Variants in DLG2 observed in about 807,000 individuals in gnomAD.
The protein encoded by DLG2 is discs large MAGUK scaffold protein 2, also known as disks large homolog 2.
Under a neutral mutation model 132.5 loss-of-function variants are expected in DLG2, and 45 were observed. That is an observed-to-expected ratio of 0.34 (90% CI 0.27 to 0.44). The LOEUF is 0.44. Ranked by LOEUF, DLG2 falls within the 20% of genes least tolerant of loss-of-function variation. The probability of loss-of-function intolerance (pLI) is 1.00; values close to 1 mark genes in which losing one functional copy is unlikely to be tolerated. For missense variants in DLG2, 1,045 were observed against 1,196.9 expected (o/e 0.87, Z 1.87); for synonymous variants, 424 against 419.6 (o/e 1.01, Z -0.13).
intron 19 of DLG2, among the ~76,000 whole-genome samples, chr11:83,587,977 G>A (rs865908170): frequency 6.6e-6 from 1 of 152,204 alleles, no homozygotes; most frequent in Non-Finnish European, 1.5e-5. Context: ...CCCGCACCTG[G>A]CTCAGAGGCT....
intron 7 of DLG2, among the ~76,000 whole-genome samples, chr11:84,373,265 C>CAAAAAAAAAAAAAAAAAAAAAAA (rs59038372): frequency 2.0e-5 from 2 of 98,088 alleles, no homozygotes; most frequent in Admixed American, 1.3e-4. Flanking sequence ...AAAAAAAAAA[C>CAAAAAAAAAAAAAAAAAAAAAAA]AAAACAAAAA....
At chr11:84,380,924 T>C (rs1468848916) in intron 7 of DLG2, among the ~76,000 whole-genome samples, 1 of 151,990 alleles carries the variant, frequency 6.6e-6, no homozygotes, top group Non-Finnish European at 1.5e-5. Context: ...AATATATTAA[T>C]GGACTGTGAT....
chr11:83,472,645 A>C, intron 23 of DLG2, 82 bp downstream of exon 23: 2 of 1,220,346 alleles, frequency 1.6e-6, no homozygotes, highest in Non-Finnish European at 2.4e-6. Flanking sequence ...TATTCTCCTT[A>C]GTCCTTCACT....
chr11:83,740,837 C>G (rs890778948), intron 18 of DLG2, among the ~76,000 whole-genome samples: 1 of 152,126 alleles, frequency 6.6e-6, no homozygotes, highest in Non-Finnish European at 1.5e-5. Context: ...CCCCCAGTGA[C>G]TTGTGTTTTA....
At chr11:83,586,377 T>A (rs2097086757) in intron 19 of DLG2, among the ~76,000 whole-genome samples, 1 of 152,252 alleles carries the variant, frequency 6.6e-6, no homozygotes, top group South Asian at 2.1e-4. Flanking sequence ...GATAAATTCC[T>A]GGTTTTGCCA....
rs531220447 is a variant in DLG2 at position 84,299,588 on chromosome 11, A to G, written c.520-48297T>C. 2.0e-5 allele frequency among the ~76,000 whole-genome samples: 3 copies of G among 152,294 alleles called. No homozygotes were observed. The South Asian group carries it at 6.2e-4, about 32-fold the overall frequency. ...AGGTTTGAGTGCAATGAAGAGCAAG[A>G]AAGAAGAAGAATGATGAAAATAGAC... is the stretch of plus-strand genomic sequence containing the variant. On this transcript the variant is annotated intron_variant, in intron 7 of 27. Transcript: ENST00000376104.
intron 21 of DLG2, among the ~76,000 whole-genome samples, chr11:83,493,930 T>A (rs1051189057): frequency 3.3e-5 from 5 of 152,106 alleles, no homozygotes; most frequent in African/African-American, 1.2e-4. Context: ...TAATATTCAA[T>A]CTAAAGAGAA....
At chr11:84,066,643 C>G (rs2096677753) in intron 10 of DLG2, among the ~76,000 whole-genome samples, 1 of 152,074 alleles carries the variant, frequency 6.6e-6, no homozygotes, top group Non-Finnish European at 1.5e-5. Context: ...CGCCTGTAAT[C>G]CCAGCTACTA....
intron 6 of DLG2, among the ~76,000 whole-genome samples, chr11:84,732,184 TTGA>T (rs1433835070): frequency 6.6e-6 from 1 of 152,112 alleles, no homozygotes; most frequent in East Asian, 1.9e-4. Context: ...TCTATATTTG[TTGA>T]TGAACACTTG....
intron 10 of DLG2, among the ~76,000 whole-genome samples, chr11:84,094,889 G>C (rs1489727021): frequency 6.6e-6 from 1 of 151,970 alleles, no homozygotes; most frequent in African/African-American, 2.4e-5. Flanking sequence ...GAAACACCAA[G>C]GATTTGTTTA....
At chr11:85,026,179 CA>C (rs2060496833) in intron 6 of DLG2, among the ~76,000 whole-genome samples, 1 of 151,882 alleles carries the variant, frequency 6.6e-6, no homozygotes, top group Admixed American at 6.6e-5. Context: ...AGCCAAAATA[CA>C]AACAATAAAC....
intron 7 of DLG2, among the ~76,000 whole-genome samples, chr11:84,293,350 T>C (rs1347455507): frequency 6.6e-6 from 1 of 152,006 alleles, no homozygotes; most frequent in Non-Finnish European, 1.5e-5. Flanking sequence ...AGACAAAAGG[T>C]CATCACACCC....
chr11:85,508,276 C>G (rs2093980184), intron 3 of DLG2, among the ~76,000 whole-genome samples: 1 of 151,940 alleles, frequency 6.6e-6, no homozygotes, highest in Admixed American at 6.6e-5. Flanking sequence ...CAGATCCCTC[C>G]TTTGCTCACT....
At chr11:84,371,125 G>T (rs1393399680) in intron 7 of DLG2, among the ~76,000 whole-genome samples, 2 of 151,690 alleles carry the variant, frequency 1.3e-5, no homozygotes, top group Non-Finnish European at 2.9e-5. Flanking sequence ...TTCAGCCTTT[G>T]GTTTACTTTA....
chr11:84,703,865 T>G (rs1331340890), intron 6 of DLG2, among the ~76,000 whole-genome samples: 1 of 118,184 alleles, frequency 8.5e-6, no homozygotes, highest in African/African-American at 4.5e-5. Context: ...AAGATATATA[T>G]ATATATATAT....
intron 6 of DLG2, among the ~76,000 whole-genome samples, chr11:84,943,733 C>T (rs1203345338): frequency 1.3e-5 from 2 of 151,974 alleles, no homozygotes; most frequent in East Asian, 3.9e-4. Flanking sequence ...TTTTTGATAG[C>T]TTTGTCTTTT....
intron 4 of DLG2, among the ~76,000 whole-genome samples, chr11:85,199,829 A>G (rs2081320033): frequency 6.6e-6 from 1 of 152,230 alleles, no homozygotes; most frequent in African/African-American, 2.4e-5. Flanking sequence ...TCTAGACTCT[A>G]GATCCCAAAC....
At chr11:84,899,356 C>T (rs2090600617) in intron 6 of DLG2, among the ~76,000 whole-genome samples, 2 of 151,968 alleles carry the variant, frequency 1.3e-5, no homozygotes, top group South Asian at 4.1e-4. Flanking sequence ...TGAGTCACTG[C>T]CACAATTATT....
chr11:84,567,776 A>G (rs1202365401), intron 6 of DLG2, among the ~76,000 whole-genome samples: 1 of 152,180 alleles, frequency 6.6e-6, no homozygotes, highest in Non-Finnish European at 1.5e-5. Flanking sequence ...CTCCTTACGG[A>G]AAGTTCAACA....
Sources: gnomAD v4.1 joint callset for allele counts (sites outside exome capture counted in the v4.1 genomes callset) on GRCh38, gnomAD v4.1.1 for gene constraint, MANE v1.5 for transcripts, NCBI Gene and HGNC (gene_info 2026-07-23, HGNC 2026-07-21) for gene names.